The following CCDC102B variants were observed in gnomAD, a reference collection of about 807,000 sequenced individuals.
CCDC102B encodes the protein coiled-coil domain containing 102B.
A neutral mutation model predicts 57.4 loss-of-function variants in CCDC102B; 75 were observed. The ratio of observed to expected loss-of-function variants is 1.31; its 90% confidence interval spans 1.08 to 1.58. The LOEUF (loss-of-function observed/expected upper bound fraction) is 1.58, where lower values mean the gene tolerates loss of function less well. CCDC102B is among the 40% of genes most tolerant of loss of function. The pLI is 0.00. For missense variants in CCDC102B, 636 were observed against 582.6 expected (o/e 1.09, Z -0.94); for synonymous variants, 206 against 201.9 (o/e 1.02, Z -0.17).
intron 6 of CCDC102B, among the ~76,000 whole-genome samples, chr18:68,924,416 A>G (rs891109731): frequency 3.3e-5 from 5 of 151,988 alleles, no homozygotes; most frequent in African/African-American, 1.2e-4. Context: ...CCTTGTGAAG[A>G]CGGTGTCTTG....
chr18:68,871,942 T>G (rs2039255949), intron 4 of CCDC102B, among the ~76,000 whole-genome samples: 1 of 152,170 alleles, frequency 6.6e-6, no homozygotes, highest in African/African-American at 2.4e-5. Context: ...ATAACCGAAG[T>G]AATAGATCAT....
At chr18:68,732,655 G>A (rs1176040938) in intron 2 of CCDC102B, among the ~76,000 whole-genome samples, 1 of 152,024 alleles carries the variant, frequency 6.6e-6, no homozygotes, top group Non-Finnish European at 1.5e-5. Context: ...CCTACTTGAA[G>A]GCTTTCTACA....
chr18:68,890,360 T>A (rs975432905), intron 5 of CCDC102B, among the ~76,000 whole-genome samples: 1 of 152,108 alleles, frequency 6.6e-6, no homozygotes, highest in African/African-American at 2.4e-5. Flanking sequence ...CTCAGCCTCC[T>A]GAGTAACTGA....
chr18:68,817,887 A>G (rs2036545938), intron 1 of CCDC102B, among the ~76,000 whole-genome samples: 1 of 152,202 alleles, frequency 6.6e-6, no homozygotes, highest in Non-Finnish European at 1.5e-5. Context: ...AGACAAGGAA[A>G]TATCTGGATA....
At chr18:69,055,750 C>T (rs2052805634), downstream of CCDC102B, among the ~76,000 whole-genome samples, 1 of 152,080 alleles carries the variant, frequency 6.6e-6, no homozygotes, top group Non-Finnish European at 1.5e-5. Flanking sequence ...GCCACCATCC[C>T]TCAACATTAG....
chr18:68,952,210 A>G (rs911368626), intron 6 of CCDC102B, among the ~76,000 whole-genome samples: 27 of 149,202 alleles, frequency 1.8e-4, no homozygotes, highest in Non-Finnish European at 4.0e-4. Context: ...TCACTGGCTC[A>G]TGCAATATTT....
At chr18:68,797,565 TG>T (rs2035675214), upstream of CCDC102B, among the ~76,000 whole-genome samples, 1 of 152,096 alleles carries the variant, frequency 6.6e-6, no homozygotes, top group African/African-American at 2.4e-5. Context: ...TTCCTGCCAA[TG>T]TGACCACAAT....
intron 1 of CCDC102B, among the ~76,000 whole-genome samples, chr18:68,803,329 A>G (rs1218369518): frequency 6.6e-6 from 1 of 152,232 alleles, no homozygotes; most frequent in Non-Finnish European, 1.5e-5. Context: ...TTAAGCATAT[A>G]GTCTAGCTGG....
chr18:68,874,517 C>A, intron 4 of CCDC102B, 152 bp from the exon 5 acceptor site: 1 of 515,562 alleles, frequency 1.9e-6, no homozygotes, highest in Non-Finnish European at 3.5e-6. Context: ...AACAGTTCAA[C>A]CACAATCATT....
In CCDC102B at chr18:68,943,443, C is replaced by T. The variant is rs2049442551; in HGVS notation, c.1263+46015C>T. 2.6e-5 allele frequency among the ~76,000 whole-genome samples: 4 copies of T among 152,066 alleles called. No individual in the cohort carries two copies. In the South Asian group the frequency reaches 8.3e-4, roughly 32 times the overall value. ...TTTTCTAGGCTTTATACTTTTTCTA[C>T]ACTCTCAGAGCATATTTTCATGTCT... On this transcript the variant is annotated intron_variant, in intron 6 of 7. Coordinates refer to ENST00000360242, the MANE Select transcript of CCDC102B (RefSeq NM_024781.3).
chr18:68,835,675 A>G (rs1443403831), intron 1 of CCDC102B, among the ~76,000 whole-genome samples: 1 of 152,212 alleles, frequency 6.6e-6, no homozygotes, highest in Admixed American at 6.5e-5. Flanking sequence ...AAGGATTCAG[A>G]GGTATGCATT....
intron 6 of CCDC102B, among the ~76,000 whole-genome samples, chr18:68,978,080 A>C (rs1014962647): frequency 2.6e-5 from 4 of 152,072 alleles, no homozygotes; most frequent in African/African-American, 4.8e-5. Context: ...ACAATGTGCT[A>C]CCAACATATA....
chr18:68,802,162 A>G (rs1441584205), intron 1 of CCDC102B, among the ~76,000 whole-genome samples: 1 of 152,186 alleles, frequency 6.6e-6, no homozygotes, highest in Non-Finnish European at 1.5e-5. Context: ...TGGAGCTAGA[A>G]TAATCTCAGG....
Position 69,025,028 on chromosome 18 carries a change from A to G in CCDC102B, c.1434+13924A>G, listed in dbSNP as rs1270406334. On this transcript the variant is annotated intron_variant, in intron 7 of 7. Coordinates refer to ENST00000360242, the MANE Select transcript of CCDC102B (RefSeq NM_024781.3). ...TGTTAATATAATTTCTCAAGGGAAT[A>G]AAATAAATATAATCATGCTTTAATT... 2.0e-5 allele frequency among the ~76,000 whole-genome samples: 3 copies of G among 152,262 alleles called. No individual in the cohort carries two copies. The South Asian group carries it at 6.2e-4, about 32-fold the overall frequency.
chr18:68,804,872 T>C (rs1199913387), intron 1 of CCDC102B, among the ~76,000 whole-genome samples: 1 of 151,964 alleles, frequency 6.6e-6, no homozygotes, highest in African/African-American at 2.4e-5. Context: ...ATCTTTTTTT[T>C]TTTTTTTATG....
At chr18:68,953,817 G>A (rs4570972) in intron 6 of CCDC102B, among the ~76,000 whole-genome samples, 1,832 of 152,228 alleles carry the variant, frequency 0.012, 19 homozygotes, top group East Asian at 0.03. Context: ...GGATGTGGCA[G>A]TAGTGTAATG....
At chr18:68,981,680 A>G (rs2050585947) in intron 6 of CCDC102B, among the ~76,000 whole-genome samples, 1 of 152,024 alleles carries the variant, frequency 6.6e-6, no homozygotes, top group African/African-American at 2.4e-5. Context: ...AAACTAAGGC[A>G]GAAATTTCTG....
intron 1 of CCDC102B, among the ~76,000 whole-genome samples, chr18:68,807,007 G>T (rs2036056546): frequency 6.6e-6 from 1 of 152,066 alleles, no homozygotes; most frequent in Admixed American, 6.6e-5. Context: ...AGCAACCATA[G>T]AATACATTTC....
intron 1 of CCDC102B, among the ~76,000 whole-genome samples, chr18:68,806,963 C>T (rs2036054778): frequency 6.6e-6 from 1 of 152,058 alleles, no homozygotes; most frequent in Non-Finnish European, 1.5e-5. Context: ...AGGTTTAATA[C>T]TCCAGAATAT....
Sources: allele counts gnomAD v4.1 joint callset (sites outside exome capture counted in the v4.1 genomes callset), GRCh38; gene constraint gnomAD v4.1.1; transcripts MANE v1.5; gene names NCBI Gene and HGNC (gene_info 2026-07-23, HGNC 2026-07-21).